Variants in WEE2 observed in about 807,000 individuals in gnomAD.
WEE2 encodes WEE2 oocyte meiosis inhibiting kinase.
WEE2 carries 50 observed loss-of-function variants against 60.1 expected under a neutral mutation model. That is an observed-to-expected ratio of 0.83 (90% confidence interval 0.66 to 1.05). The LOEUF is 1.05. WEE2 is among the 50% of genes least tolerant of loss of function. The pLI is 0.00. For synonymous variants in WEE2, 240 were observed against 241.0 expected (o/e 1.00, Z 0.04); for missense variants, 631 against 684.3 (o/e 0.92, Z 0.87).
intron 3 of WEE2, among the ~76,000 whole-genome samples, chr7:141,717,684 T>A (rs4726470): frequency 0.57 from 87,423 of 152,104 alleles, 26,112 homozygotes; most frequent in African/African-American, 0.76. Flanking sequence ...AATCTAGAAG[T>A]GGTTAGTAAA....
chr7:141,718,075 G>A (rs1798838900), intron 3 of WEE2, among the ~76,000 whole-genome samples: 1 of 152,162 alleles, frequency 6.6e-6, no homozygotes, highest in African/African-American at 2.4e-5. Context: ...AGGGAACAGA[G>A]CTTGAGACTG....
In WEE2 at chr7:141,730,563, C is replaced by G. The variant is rs962901331; in HGVS notation, c.*243C>G. The G allele has an allele frequency of 2.5e-5, 11 of 433,682 alleles. No homozygotes were observed. In the Admixed American group the frequency reaches 3.3e-4, roughly 13 times the overall value. 26.9% of individuals were successfully genotyped at this position (433,682 alleles called of 1,614,324 possible). A position where few individuals can be genotyped will look rare whatever the true frequency, so the allele number is the denominator to read the frequency against. ...GGAAGTGGGTCTCCTAATGTATACC[C>G]TTTCTGATATTGTATTTATTAAATA... is the stretch of plus-strand genomic sequence containing the variant. On this transcript the variant is annotated 3_prime_UTR_variant, in exon 12 of 12. Coordinates refer to ENST00000397541, the MANE Select transcript of WEE2 (RefSeq NM_001105558.1).
intron 11 of WEE2, among the ~76,000 whole-genome samples, chr7:141,730,053 A>T (rs1799111546): frequency 6.6e-6 from 1 of 152,082 alleles, no homozygotes; most frequent in Non-Finnish European, 1.5e-5. Flanking sequence ...AACCTCTGTA[A>T]ATAGATATCA....
In WEE2 at chr7:141,724,237, G is replaced by A; in HGVS notation, c.1183G>A (p.Gly395Arg). 1 of 1,613,868 alleles carries A rather than the reference G, an allele frequency of 6.2e-7. No individual in the cohort carries two copies. Residue 395 changes from glycine to arginine, a missense_variant, in exon 8 of 12, where the codon GGA becomes AGA. Gly to Arg is a moderately radical substitution (Grantham distance 125). Coordinates refer to ENST00000397541, the MANE Select transcript of WEE2 (RefSeq NM_001105558.1). Reference protein sequence around the residue: ...TSINKPKVEEGDSRFLANEIL... With the variant: ...TSINKPKVEERDSRFLANEIL... ...AATAAACAAACCCAAAGTGGAAGAA[G>A]GAGATAGTCGCTTCCTGGCTAATGA...
rs766200756 is a variant in WEE2 at position 141,721,067 on chromosome 7, T to C, written c.880+11T>C. The C allele has an allele frequency of 6.2e-7, 1 of 1,613,662 alleles. No individual in the cohort carries two copies. Among genetic ancestry groups the C allele is most frequent in the African/African-American group, 1.3e-5 (1 of 75,012 alleles). On this transcript the variant is annotated intron_variant, in intron 5 of 11. Transcript: ENST00000397541. The stretch of plus-strand genomic sequence containing the variant: ...ATGAATACTGCAATGGTAAGTAGTA[T>C]ATAGATGAATAACTACGAAGAGGGA...
In WEE2 at chr7:141,708,616, T is replaced by C; in HGVS notation, c.-143T>C. 1 of 678,516 alleles carries C rather than the reference T, an allele frequency of 1.5e-6. No individual in the cohort carries two copies. Among genetic ancestry groups the C allele is most frequent in the Non-Finnish European group, 2.6e-6 (1 of 391,134 alleles). The allele number at this position is 678,516 out of a possible 1,614,324, so 42.0% of individuals were successfully genotyped here. A position where few individuals can be genotyped will look rare whatever the true frequency, so the allele number is the denominator to read the frequency against. The stretch of plus-strand genomic sequence containing the variant: ...GGCAGAAAATTAACACCGTGTTTTG[T>C]AGCTGTTAGTTGGTAGAGGGAAATT... On this transcript the variant is annotated 5_prime_UTR_variant, in exon 1 of 12. Transcript: ENST00000397541.
intron 2 of WEE2, 57 bp from the exon 3 acceptor site, chr7:141,716,165 G>C (rs894831712): frequency 1.4e-6 from 2 of 1,435,658 alleles, no homozygotes; most frequent in Non-Finnish European, 1.9e-6. Context: ...ACCTAGCATA[G>C]TTCGGCCTCA....
At position 141,711,587 on chromosome 7, in the gene WEE2, G is replaced by A. The variant is rs571981491; in HGVS notation, c.342+2487G>A. Among the ~76,000 whole-genome samples the A allele has an allele frequency of 2.0e-5, 3 of 152,176 alleles. No individual in the cohort carries two copies. Among genetic ancestry groups the A allele is most frequent in the Non-Finnish European group, 4.4e-5 (3 of 68,026 alleles). ...CTGACAGAATCATCTAGAGATAGAA[G>A]AGCATGCTTAGGAGGTGTAAGCTCC... On this transcript the variant is annotated intron_variant, in intron 1 of 11. Coordinates refer to ENST00000397541, the MANE Select transcript of WEE2 (RefSeq NM_001105558.1). This position sits in a 1 kb window ranked among gnomAD's most constrained non-coding sequence, Gnocchi z 4.2.
rs1344106354 is a variant in WEE2 at position 141,714,226 on chromosome 7, G to C, written c.360G>C (p.Leu120Phe). ...PSTPKTMLSRLVISPTGKLPS... is the reference protein window; with the variant it reads ...PSTPKTMLSRFVISPTGKLPS... ...TCATTCAGACCATGCTGAGCCGGTT[G>C]GTGATTTCTCCAACAGGGAAGCTTC... The change falls in exon 2 of 12, where the codon TTG becomes TTC. Residue 120 changes from leucine (L) to phenylalanine (F), a missense_variant. Leu to Phe is a conservative substitution (Grantham distance 22). Transcript: ENST00000397541. The C allele has an allele frequency of 2.5e-6, 4 of 1,611,992 alleles. No homozygotes were observed.
intron 4 of WEE2, chr7:141,720,654 A>G: frequency 2.5e-6 from 1 of 403,552 alleles, no homozygotes; most frequent in East Asian, 4.0e-5. Context: ...GTTAAAATAA[A>G]AAAAAAACAA....
chr7:141,721,536 G>A (rs938668904), intron 5 of WEE2, among the ~76,000 whole-genome samples: 5 of 151,582 alleles, frequency 3.3e-5, no homozygotes, highest in East Asian at 1.9e-4. Flanking sequence ...TCGGCTCACC[G>A]CAACCTCCAC....
intron 10 of WEE2, among the ~76,000 whole-genome samples, chr7:141,728,598 T>G (rs1799062383): frequency 6.6e-6 from 1 of 152,222 alleles, no homozygotes; most frequent in East Asian, 1.9e-4. Flanking sequence ...CACAGGTGAC[T>G]ATCATCAGCC....
At chr7:141,729,966 C>T (rs554180035) in intron 11 of WEE2, among the ~76,000 whole-genome samples, 17 of 140,680 alleles carry the variant, frequency 1.2e-4, no homozygotes, top group Admixed American at 3.0e-4. Context: ...CCAGCCTGGG[C>T]AACAGAGCGA....
intron 3 of WEE2, among the ~76,000 whole-genome samples, chr7:141,717,123 T>A (rs993078303): frequency 2.0e-5 from 3 of 152,220 alleles, no homozygotes; most frequent in African/African-American, 7.2e-5. Context: ...GACTCAAAAT[T>A]TTATACGCTG....
At chr7:141,723,916 A>C in intron 6 of WEE2, 25 bp from the exon 7 acceptor site, 2 of 1,465,014 alleles carry the variant, frequency 1.4e-6, no homozygotes, top group Non-Finnish European at 1.9e-6. Context: ...CATTACTTAC[A>C]TCTATCCTGT....
intron 10 of WEE2, 71 bp from the exon 11 acceptor site, chr7:141,729,452 CATTTATAT>C: frequency 6.4e-7 from 1 of 1,573,230 alleles, no homozygotes; most frequent in African/African-American, 1.4e-5. Flanking sequence ...AGAAGAAAAA[CATTTATAT>C]ATTAGTTTTG....
chr7:141,708,976 A>G lies in WEE2; in HGVS notation c.218A>G (p.Asp73Gly), dbSNP rs769077689. The G allele has an allele frequency of 1.9e-6, 3 of 1,614,142 alleles. No homozygotes were observed. In the South Asian group the frequency reaches 3.3e-5, roughly 18 times the overall value. Residue 73 changes from aspartate (D) to glycine (G), a missense_variant, in exon 1 of 12, where the codon GAC becomes GGC. Physicochemically the swap from Asp to Gly is moderately conservative, Grantham distance 94 (BLOSUM62 -1). Coordinates refer to ENST00000397541, the MANE Select transcript of WEE2 (RefSeq NM_001105558.1). ...VHELDTSSEK[D>G]KESPDQILRT... ...GAGCTCGACACATCTTCGGAAAAAG[A>G]CAAAGAAAGTCCAGATCAGATTTTG...
chr7:141,713,735 T>C (rs971411186), intron 1 of WEE2, among the ~76,000 whole-genome samples: 1 of 152,228 alleles, frequency 6.6e-6, no homozygotes, highest in East Asian at 1.9e-4. Flanking sequence ...TATATATTCC[T>C]TAAGATTTAG....
At chr7:141,722,919 G>A (rs189911185) in intron 5 of WEE2, among the ~76,000 whole-genome samples, 7 of 152,270 alleles carry the variant, frequency 4.6e-5, no homozygotes, top group South Asian at 2.1e-4. Flanking sequence ...TACTGACACC[G>A]AAGTAATCTA....
Sources: gnomAD v4.1 joint callset for allele counts (sites outside exome capture counted in the v4.1 genomes callset) on GRCh38, gnomAD v4.1.1 for gene constraint, Gnocchi (gnomAD v3.1) non-coding constraint, MANE v1.5 for transcripts, NCBI Gene and HGNC (gene_info 2026-07-23, HGNC 2026-07-21) for gene names.